PGLS: variants seen among roughly 807,000 people sequenced by gnomAD.
The protein encoded by PGLS is 6-phosphogluconolactonase.
A neutral mutation model predicts 23.2 loss-of-function variants in PGLS; 21 were observed. The ratio of observed to expected loss-of-function variants is 0.91; its 90% CI spans 0.64 to 1.31. PGLS has a LOEUF of 1.31. Ranked by LOEUF, PGLS falls within the 50% of genes most tolerant of loss-of-function variation. PGLS has a pLI of 0.00. For missense variants in PGLS, 410 were observed against 354.0 expected (o/e 1.16, Z -1.27); for synonymous variants, 179 against 165.4 (o/e 1.08, Z -0.63).
Position 17,517,312 on chromosome 19 carries a change from GT to G in PGLS, c.425del (p.Phe142SerfsTer4), listed in dbSNP as rs1380195747. On this transcript the variant is annotated frameshift_variant, in exon 3 of 5. Coordinates refer to ENST00000252603, the MANE Select transcript of PGLS (RefSeq NM_012088.3). LOFTEE classifies it high-confidence loss of function. ...RQAFQGDSIP[V>X]FDLLILGVGP... is the part of the protein sequence containing the mutation. ...GGCATTCCAAGGGGACTCCATCCCGGTTTTCGACCTGCTGATCCTGGGGGTG... is the reference window on the plus strand; with the variant it reads ...GGCATTCCAAGGGGACTCCATCCCGGTTTCGACCTGCTGATCCTGGGGGTG... 2.5e-6 allele frequency: 4 copies of G among 1,613,858 alleles called. No individual in the cohort carries two copies. The highest frequency in any genetic ancestry group is 3.4e-6 in the Non-Finnish European group (4 of 1,179,942).
At chr19:17,512,348 T>A in intron 1 of PGLS, 1 of 255,774 alleles carries the variant, frequency 3.9e-6, no homozygotes, top group South Asian at 4.8e-5. Flanking sequence ...CCCTCTGCCT[T>A]TATCTAGGCA....
chr19:17,516,745 T>C (rs1367463851), intron 2 of PGLS, among the ~76,000 whole-genome samples: 1 of 151,758 alleles, frequency 6.6e-6, no homozygotes, highest in Non-Finnish European at 1.5e-5. Flanking sequence ...CCACCACGCC[T>C]GGTTAATTTT....
At chr19:17,520,896 G>A (rs753647832) in intron 4 of PGLS, 48 bp from the exon 5 acceptor site, 55 of 1,505,090 alleles carry the variant, frequency 3.7e-5, no homozygotes, top group Non-Finnish European at 4.3e-5. Flanking sequence ...GCCGAGGGGC[G>A]GTGCCTGGGC....
At chr19:17,517,081 C>G (rs2075536833) in intron 2 of PGLS, among the ~76,000 whole-genome samples, 1 of 152,078 alleles carries the variant, frequency 6.6e-6, no homozygotes, top group African/African-American at 2.4e-5. Context: ...GACAGGGTTT[C>G]ATCATGTTGG....
intron 1 of PGLS, chr19:17,515,788 A>T (rs2075529598): frequency 4.9e-6 from 1 of 202,820 alleles, no homozygotes; most frequent in South Asian, 8.3e-5. Context: ...TATGGCCAGG[A>T]AACCCCCCAA....
intron 1 of PGLS, among the ~76,000 whole-genome samples, chr19:17,514,520 CTTG>C (rs1440257663): frequency 3.3e-5 from 5 of 149,524 alleles, no homozygotes; most frequent in African/African-American, 1.2e-4. Context: ...GAGATAGGAT[CTTG>C]TTGTGTTGCC....
In PGLS at chr19:17,521,044, T is replaced by C; in HGVS notation, c.740T>C (p.Leu247Pro). ...TTCTTGGACGAGGCGGCCGCCCGCCTCCTGACCGTGCCCTTCGAGAAGCAT... is the reference window on the plus strand; with the variant it reads ...TTCTTGGACGAGGCGGCCGCCCGCCCCCTGACCGTGCCCTTCGAGAAGCAT... ...CWFLDEAAARLLTVPFEKHST... is the reference protein window; with the variant it reads ...CWFLDEAAARPLTVPFEKHST... The change falls in exon 5 of 5, where the codon CTC becomes CCC. Residue 247 changes from leucine to proline, a missense_variant. Coordinates refer to ENST00000252603, the MANE Select transcript of PGLS (RefSeq NM_012088.3). 6.2e-7 allele frequency: 1 copy of C among 1,603,114 alleles called. No individual in the cohort carries two copies. Among genetic ancestry groups the C allele is most frequent in the Non-Finnish European group, 8.5e-7 (1 of 1,174,144 alleles).
At chr19:17,517,978 A>T in intron 4 of PGLS, 128 bp downstream of exon 4, 1 of 824,482 alleles carries the variant, frequency 1.2e-6, no homozygotes, top group Non-Finnish European at 1.7e-6. Context: ...TTGGGTTGAA[A>T]GGTAACTTGA....
intron 2 of PGLS, 131 bp downstream of exon 2, chr19:17,516,411 C>A (rs530379519): frequency 1.4e-6 from 2 of 1,441,734 alleles, no homozygotes; most frequent in African/African-American, 2.8e-5. Context: ...TTTGAGGAAT[C>A]CCCTCTTCGA....
chr19:17,515,920 T>C, intron 1 of PGLS: 1 of 363,522 alleles, frequency 2.8e-6, no homozygotes, highest in African/African-American at 2.1e-5. Context: ...GGCTCCCTCT[T>C]GCCCTTGAAC....
At chr19:17,516,052 C>T (rs1451385469) in intron 1 of PGLS, 121 bp from the exon 2 acceptor site, 2 of 709,362 alleles carry the variant, frequency 2.8e-6, no homozygotes, top group African/African-American at 1.8e-5. Flanking sequence ...AATGCACCAG[C>T]CTCCCCATGC....
rs780763545 is a variant in PGLS at position 17,521,018 on chromosome 19, G to C, written c.714G>C (p.Trp238Cys). 2 of 1,601,454 alleles carry C rather than the reference G, an allele frequency of 1.2e-6. No individual in the cohort carries two copies. The highest frequency in any genetic ancestry group is 1.1e-5 in the South Asian group (1 of 89,210). The change falls in exon 5 of 5, where the codon TGG (tryptophan) becomes TGC (cysteine). Residue 238 changes from tryptophan (W) to cysteine (C), a missense_variant. Trp to Cys is a radical substitution (Grantham distance 215, BLOSUM62 -2). Coordinates refer to ENST00000252603, the MANE Select transcript of PGLS (RefSeq NM_012088.3). The stretch of plus-strand genomic sequence containing the variant: ...AGCCCCACACCGGGAAACTGTGCTG[G>C]TTCTTGGACGAGGCGGCCGCCCGCC... ...LVQPHTGKLCWFLDEAAARLL... is the reference protein window; with the variant it reads ...LVQPHTGKLCCFLDEAAARLL...
rs2075556491 is a variant in PGLS at position 17,521,229 on chromosome 19, G to A, written c.*148G>A. The A allele has an allele frequency of 1.4e-6, 1 of 736,766 alleles. No individual in the cohort carries two copies. Among genetic ancestry groups the A allele is most frequent in the South Asian group, 1.9e-5 (1 of 51,518 alleles). The allele number at this position is 736,766 out of a possible 1,614,324, so 45.6% of individuals were successfully genotyped here. ...AGCCTCCGGCCAGCAGCCCTACCCG[G>A]GGCTCAACACACAGGCTGTGGCTCT... On this transcript the variant is annotated 3_prime_UTR_variant, in exon 5 of 5. Coordinates refer to ENST00000252603, the MANE Select transcript of PGLS (RefSeq NM_012088.3).
chr19:17,521,286 G>A lies in PGLS; in HGVS notation c.*205G>A. The A allele has an allele frequency of 1.8e-6, 1 of 568,890 alleles. No individual in the cohort carries two copies. Among genetic ancestry groups the A allele is most frequent in the East Asian group, 3.1e-5 (1 of 31,794 alleles). 35.2% of individuals were successfully genotyped at this position (568,890 alleles called of 1,614,324 possible). ...CCGGATATTAAAAGGAGCGTTGCTGGAAGTCTGCACTGTCTCGCGGTGTTT... is the reference window on the plus strand; with the variant it reads ...CCGGATATTAAAAGGAGCGTTGCTGAAAGTCTGCACTGTCTCGCGGTGTTT... On this transcript the variant is annotated 3_prime_UTR_variant, in exon 5 of 5. Transcript: ENST00000252603.
Position 17,511,918 on chromosome 19 carries a change from C to T in PGLS, c.246C>T (p.Leu82=), listed in dbSNP as rs967170259. The change falls in exon 1 of 5, where the codon CTC becomes CTT. Residue 82 remains leucine, a synonymous_variant. Coordinates refer to ENST00000252603, the MANE Select transcript of PGLS (RefSeq NM_012088.3). ...RWTLGFCDER[L]VPFDHAESTY... ...CGCTGGGCTTCTGCGACGAGCGCCT[C>T]GTGCCCTTCGATCACGCCGAGAGCA... 7 of 1,547,190 alleles carry T rather than the reference C, an allele frequency of 4.5e-6. No individual in the cohort carries two copies. Among genetic ancestry groups the T allele is most frequent in the African/African-American group, 1.4e-5 (1 of 71,770 alleles).
chr19:17,511,665 C>G lies in PGLS; in HGVS notation c.-8C>G, dbSNP rs962261553. On this transcript the variant is annotated 5_prime_UTR_variant, in exon 1 of 5. Coordinates refer to ENST00000252603, the MANE Select transcript of PGLS (RefSeq NM_012088.3). ...GAGCGCTTCCTCCTCCCCGCCGCCG[C>G]CCTCGCCATGGCCGCGCCGGCCCCG... is the stretch of plus-strand genomic sequence containing the variant. 3 of 1,474,964 alleles carry G rather than the reference C, an allele frequency of 2.0e-6. No individual in the cohort carries two copies. Among genetic ancestry groups the G allele is most frequent in the Non-Finnish European group, 1.8e-6 (2 of 1,122,496 alleles). The allele number at this position is 1,474,964 out of a possible 1,614,324, so 91.4% of individuals were successfully genotyped here.
At chr19:17,513,329 A>T (rs1391653814) in intron 1 of PGLS, 1 of 151,844 alleles carries the variant, frequency 6.6e-6, no homozygotes, top group African/African-American at 2.4e-5. Context: ...GGAGTTTGAG[A>T]CCAACCTGAC....
intron 4 of PGLS, chr19:17,518,358 C>G (rs4808662): frequency 0.54 from 81,913 of 151,688 alleles, 22,162 homozygotes; most frequent in Middle Eastern, 0.62. Context: ...AAAAAAAAAT[C>G]ACGTGGTATT....
Position 17,516,158 on chromosome 19 carries a change from C to G in PGLS, c.289-15C>G, listed in dbSNP as rs779607757. The G allele has an allele frequency of 6.2e-7, 1 of 1,603,188 alleles. No individual in the cohort carries two copies. The highest frequency in any genetic ancestry group is 1.3e-5 in the African/African-American group (1 of 74,678). ...CACGTTACTGTTGGTGACATTGTCC[C>G]TCTGTTGGCTGCAGACGCATCTTCT... On this transcript the variant is annotated splice_polypyrimidine_tract_variant and intron_variant, in intron 1 of 4. Coordinates refer to ENST00000252603, the MANE Select transcript of PGLS (RefSeq NM_012088.3).
Sources: allele counts gnomAD v4.1 joint callset (sites outside exome capture counted in the v4.1 genomes callset), GRCh38; gene constraint gnomAD v4.1.1; transcripts MANE v1.5; gene names NCBI Gene and HGNC (gene_info 2026-07-23, HGNC 2026-07-21).